The following YIPF1 variants were observed in gnomAD, a reference collection of about 807,000 sequenced individuals.
The protein encoded by YIPF1 is protein YIPF1.
A neutral mutation model predicts 37.0 loss-of-function variants in YIPF1; 22 were observed. That is an observed-to-expected ratio of 0.59 (90% CI 0.42 to 0.85). The LOEUF (loss-of-function observed/expected upper bound fraction) is 0.85, where lower values mean the gene tolerates loss of function less well. YIPF1 is among the 40% of genes least tolerant of loss of function. The pLI is 0.00. For synonymous variants in YIPF1, 128 were observed against 131.9 expected (o/e 0.97, Z 0.21); for missense variants, 355 against 373.1 (o/e 0.95, Z 0.40).
chr1:53,878,136 A>C (rs1307515842), intron 6 of YIPF1, among the ~76,000 whole-genome samples, 179 bp downstream of exon 6: 2 of 152,238 alleles, frequency 1.3e-5, no homozygotes, highest in African/African-American at 4.8e-5. Context: ...ACGTGGCACT[A>C]ATATAACACA....
intron 10 of YIPF1, among the ~76,000 whole-genome samples, chr1:53,855,300 C>T (rs1213825627): frequency 1.3e-5 from 2 of 151,824 alleles, no homozygotes; most frequent in Non-Finnish European, 2.9e-5. Context: ...GAAAGCTCAC[C>T]CCAATCTGGA....
At chr1:53,855,145 C>A (rs973573616) in intron 10 of YIPF1, 3 of 151,104 alleles carry the variant, frequency 2.0e-5, no homozygotes, top group Non-Finnish European at 4.4e-5. Context: ...TGCATACAAA[C>A]CCTGTGTATC....
At chr1:53,870,160 C>CTCTCTTTTTTT (rs1557605849) in intron 7 of YIPF1, among the ~76,000 whole-genome samples, 1 of 91,196 alleles carries the variant, frequency 1.1e-5, no homozygotes, top group African/African-American at 4.4e-5. Flanking sequence ...CACCGGGTCT[C>CTCTCTTTTTTT]TTTTTTTTTT....
chr1:53,871,247 A>G, intron 7 of YIPF1, 125 bp downstream of exon 7: 1 of 738,064 alleles, frequency 1.4e-6, no homozygotes, highest in Non-Finnish European at 2.3e-6. Context: ...GAGTAGATAC[A>G]TTGAACCCTA....
At chr1:53,884,867 A>G (rs148634614) in intron 3 of YIPF1, among the ~76,000 whole-genome samples, 106 of 152,344 alleles carry the variant, frequency 7.0e-4, no homozygotes, top group African/African-American at 1.8e-3. Flanking sequence ...TTATAACACT[A>G]CAAGCAGGGC....
At chr1:53,876,172 A>G (rs961122911) in intron 6 of YIPF1, among the ~76,000 whole-genome samples, 1 of 152,090 alleles carries the variant, frequency 6.6e-6, no homozygotes, top group African/African-American at 2.4e-5. Flanking sequence ...GCATCTTTTC[A>G]TATATTTATT....
At chr1:53,888,153 GAGGCAGAGGTTGCAGCAAGCCA>G (rs1469716613) in intron 3 of YIPF1, among the ~76,000 whole-genome samples, 2 of 152,194 alleles carry the variant, frequency 1.3e-5, no homozygotes, top group African/African-American at 4.8e-5. Flanking sequence ...CTGAACCCGG[GAGGCAGAGGTTGCAGCAAGCCA>G]AGATCGAGCC....
At chr1:53,853,695 C>A (rs1470077863) in intron 10 of YIPF1, among the ~76,000 whole-genome samples, 1 of 152,150 alleles carries the variant, frequency 6.6e-6, no homozygotes, top group African/African-American at 2.4e-5. Context: ...AGAAACATTG[C>A]CAACAAAATA....
At chr1:53,876,174 A>G (rs779993072) in intron 6 of YIPF1, among the ~76,000 whole-genome samples, 1 of 152,070 alleles carries the variant, frequency 6.6e-6, no homozygotes, top group Non-Finnish European at 1.5e-5. Context: ...ATCTTTTCAT[A>G]TATTTATTGG....
At chr1:53,864,365 C>A (rs1039162965) in intron 9 of YIPF1, among the ~76,000 whole-genome samples, 1 of 152,232 alleles carries the variant, frequency 6.6e-6, no homozygotes, top group Admixed American at 6.5e-5. Flanking sequence ...TGTCATTCTG[C>A]CATGAGTCAA....
At chr1:53,861,689 A>AGAGGGAGGGAGG (rs142417977) in intron 9 of YIPF1, among the ~76,000 whole-genome samples, 4 of 99,826 alleles carry the variant, frequency 4.0e-5, no homozygotes, top group African/African-American at 1.7e-4. Flanking sequence ...AGGGAGAGAG[A>AGAGGGAGGGAGG]GAGGGAGGGA....
chr1:53,886,645 C>T (rs1251475172), intron 3 of YIPF1: 4 of 149,724 alleles, frequency 2.7e-5, no homozygotes, highest in Non-Finnish European at 5.9e-5. Flanking sequence ...TGATTTGTCA[C>T]CTGCCTCCTC....
intron 3 of YIPF1, among the ~76,000 whole-genome samples, chr1:53,885,444 G>A (rs1650619655): frequency 6.6e-6 from 1 of 152,080 alleles, no homozygotes; most frequent in South Asian, 2.1e-4. Context: ...GGAGGCAGAG[G>A]TTGCAGTGAG....
intron 6 of YIPF1, among the ~76,000 whole-genome samples, chr1:53,872,044 CTT>C (rs888884325): frequency 2.2e-5 from 3 of 138,086 alleles, no homozygotes; most frequent in African/African-American, 2.6e-5. Flanking sequence ...AAGGCTTTTT[CTT>C]TTTTTTTTTA....
chr1:53,872,961 C>A (rs368008529), intron 6 of YIPF1, among the ~76,000 whole-genome samples: 8 of 152,160 alleles, frequency 5.3e-5, no homozygotes, highest in African/African-American at 1.9e-4. Flanking sequence ...CACAAAGCCC[C>A]TATAGCCAAA....
intron 10 of YIPF1, among the ~76,000 whole-genome samples, chr1:53,857,441 C>T (rs1288966014): frequency 6.6e-6 from 1 of 152,184 alleles, no homozygotes; most frequent in Non-Finnish European, 1.5e-5. Context: ...AAGGCTCCAT[C>T]AAACAGCCAA....
intron 10 of YIPF1, among the ~76,000 whole-genome samples, chr1:53,856,390 T>C (rs991371879): frequency 2.0e-5 from 3 of 152,204 alleles, no homozygotes; most frequent in African/African-American, 4.8e-5. Context: ...AACATGGCGA[T>C]GTCAGGTACT....
At chr1:53,882,690 C>T (rs1033121553) in intron 4 of YIPF1, among the ~76,000 whole-genome samples, 5 of 152,152 alleles carry the variant, frequency 3.3e-5, no homozygotes, top group Admixed American at 6.5e-5. Flanking sequence ...AACTCCTGGG[C>T]TCAAGTGATC....
At chr1:53,861,409 G>C (rs1649870133) in intron 9 of YIPF1, among the ~76,000 whole-genome samples, 2 of 152,146 alleles carry the variant, frequency 1.3e-5, no homozygotes, top group South Asian at 4.1e-4. Context: ...GCCCTTGTAA[G>C]ACAGAATGAG....
Sources: gnomAD v4.1 joint callset for allele counts (sites outside exome capture counted in the v4.1 genomes callset) on GRCh38, gnomAD v4.1.1 for gene constraint, MANE v1.5 for transcripts, NCBI Gene and HGNC (gene_info 2026-07-23, HGNC 2026-07-21) for gene names.